Variants in KSR2 observed in about 807,000 individuals in gnomAD.
KSR2 encodes kinase suppressor of ras 2.
A neutral mutation model predicts 107.8 loss-of-function variants in KSR2; 25 were observed. That is an observed-to-expected ratio of 0.23 (90% confidence interval 0.17 to 0.32). KSR2 has a LOEUF of 0.32. Ranked by LOEUF, KSR2 falls within the 10% of genes least tolerant of loss-of-function variation. The probability of loss-of-function intolerance (pLI) is 1.00; values close to 1 mark genes in which losing one functional copy is unlikely to be tolerated. For synonymous variants in KSR2, 480 were observed against 507.0 expected, an observed-to-expected ratio of 0.95 and a Z score of 0.71; for missense variants, 887 against 1,268.9, an observed-to-expected ratio of 0.70 and a Z score of 4.57.
chr12:117,854,726 G>T (rs1325658598), intron 3 of KSR2, among the ~76,000 whole-genome samples: 1 of 152,130 alleles, frequency 6.6e-6, no homozygotes, highest in Admixed American at 6.5e-5. Flanking sequence ...CTAAAGAGAA[G>T]CAGGAAGCCT....
chr12:117,876,486 A>G (rs1893856931), intron 1 of KSR2, among the ~76,000 whole-genome samples: 1 of 152,124 alleles, frequency 6.6e-6, no homozygotes, highest in African/African-American at 2.4e-5. Flanking sequence ...CTGTCTCACT[A>G]TTGCTGATGG....
chr12:117,874,051 G>A (rs1010576470), intron 1 of KSR2, among the ~76,000 whole-genome samples: 1 of 152,130 alleles, frequency 6.6e-6, no homozygotes, highest in African/African-American at 2.4e-5. Flanking sequence ...AAAAGTATTG[G>A]CTGCAAAATG....
Position 117,901,974 on chromosome 12 carries a change from A to G in KSR2, c.181-41543T>C, listed in dbSNP as rs73406642. ...TTTTTCTTTGGCCTCGTGATCCAATATGACTTCTTGGCTCTAGGAGAAACT... is the reference window on the plus strand; with the variant it reads ...TTTTTCTTTGGCCTCGTGATCCAATGTGACTTCTTGGCTCTAGGAGAAACT... On this transcript the variant is annotated intron_variant, in intron 1 of 19. Transcript: ENST00000339824. 6.0e-3 allele frequency among the ~76,000 whole-genome samples: 911 copies of G among 152,302 alleles called. 12 individuals carry two copies. The highest frequency in any genetic ancestry group is 0.021 in the African/African-American group (872 of 41,562).
rs1870693231 is a variant in KSR2, at chr12:117,457,752, A to G, written c.*9447T>C. The G allele has an allele frequency of 6.6e-6, 1 of 152,402 alleles. No homozygotes were observed. Among genetic ancestry groups the G allele is most frequent in the East Asian group, 1.9e-4 (1 of 5,182 alleles). 9.4% of individuals were successfully genotyped at this position (152,402 alleles called of 1,614,324 possible). A position where few individuals can be genotyped will look rare whatever the true frequency, so the allele number is the denominator to read the frequency against. ...TGGGGAGAGTTGAGGAAGCTGCTTA[A>G]CATCCTCCAATGCCCAGGACAGTCG... is the stretch of plus-strand genomic sequence containing the variant. On this transcript the variant is annotated 3_prime_UTR_variant, in exon 20 of 20. Transcript: ENST00000339824.
At chr12:117,792,790 G>A (rs144325949) in intron 3 of KSR2, among the ~76,000 whole-genome samples, 36 of 152,270 alleles carry the variant, frequency 2.4e-4, no homozygotes, top group African/African-American at 6.7e-4. Context: ...GATGTGGGGT[G>A]CGTCATCCCT....
intron 3 of KSR2, among the ~76,000 whole-genome samples, chr12:117,791,788 T>C (rs914822885): frequency 2.6e-5 from 4 of 152,174 alleles, no homozygotes; most frequent in Admixed American, 6.5e-5. Context: ...CTGCAGTTCA[T>C]CCTACACTGC....
intron 4 of KSR2, among the ~76,000 whole-genome samples, chr12:117,751,729 T>C (rs187156781): frequency 2.0e-5 from 3 of 152,298 alleles, no homozygotes; most frequent in African/African-American, 7.2e-5. Context: ...CATCACTTTG[T>C]ACCAAACTGC....
chr12:117,824,343 C>A (rs1451847041), intron 3 of KSR2, among the ~76,000 whole-genome samples: 1 of 152,050 alleles, frequency 6.6e-6, no homozygotes, highest in African/African-American at 2.4e-5. Flanking sequence ...TAGTATTCAA[C>A]AGATCAGTAG....
intron 19 of KSR2, chr12:117,467,831 T>TAAA (rs36058871): frequency 3.3e-4 from 127 of 384,114 alleles, no homozygotes; most frequent in Admixed American, 9.4e-4. Context: ...ATAGGCTGAA[T>TAAA]AAAAAAAAAA....
At chr12:117,837,347 T>C (rs1200868144) in intron 3 of KSR2, among the ~76,000 whole-genome samples, 2 of 152,210 alleles carry the variant, frequency 1.3e-5, no homozygotes, top group Non-Finnish European at 2.9e-5. Flanking sequence ...TCTACATTAC[T>C]ATGCATCTTG....
intron 1 of KSR2, among the ~76,000 whole-genome samples, chr12:117,863,851 C>G (rs1381771213): frequency 2.0e-5 from 3 of 152,086 alleles, no homozygotes; most frequent in Non-Finnish European, 2.9e-5. Context: ...TTCCCCACAT[C>G]ACTCCACTTC....
At chr12:117,559,679 A>G (rs894089958) in intron 7 of KSR2, among the ~76,000 whole-genome samples, 1 of 152,192 alleles carries the variant, frequency 6.6e-6, no homozygotes, top group African/African-American at 2.4e-5. Flanking sequence ...GTTTAGAATG[A>G]TAATGTCTTC....
intron 5 of KSR2, among the ~76,000 whole-genome samples, chr12:117,596,362 T>C (rs1880646630): frequency 6.6e-6 from 1 of 152,124 alleles, no homozygotes; most frequent in African/African-American, 2.4e-5. Context: ...CCATGACACA[T>C]GGGAATTATG....
In KSR2 at chr12:117,583,274, T is replaced by A. The variant is rs187391627; in HGVS notation, c.1172-915A>T. Among the ~76,000 whole-genome samples the A allele has an allele frequency of 3.3e-4, 49 of 148,414 alleles. No homozygotes were observed. The East Asian group carries it at 9.4e-3, about 29-fold the overall frequency. On this transcript the variant is annotated intron_variant, in intron 5 of 19. Transcript: ENST00000339824. ...GTGGGTGAGTGGATGAATGGATGGATAGGTGGGTGGGTAAGTGGGTGGATG... is the reference window on the plus strand; with the variant it reads ...GTGGGTGAGTGGATGAATGGATGGAAAGGTGGGTGGGTAAGTGGGTGGATG...
intron 1 of KSR2, among the ~76,000 whole-genome samples, chr12:117,870,343 T>C (rs1465026291): frequency 6.6e-6 from 1 of 152,116 alleles, no homozygotes; most frequent in African/African-American, 2.4e-5. Context: ...GCTCACACCT[T>C]TAATCTCAAC....
At position 117,550,314 on chromosome 12, in the gene KSR2, G is replaced by A. The variant is rs141191602; in HGVS notation, c.1518+4855C>T. ...GACTCTGAAACTCAAATAGAAGCAC[G>A]TTCATCACCCAGGTTTCCACTTCAG... On this transcript the variant is annotated intron_variant, in intron 9 of 19. Transcript: ENST00000339824. Among the ~76,000 whole-genome samples, 19 of 152,322 alleles carry A rather than the reference G, an allele frequency of 1.2e-4. No individual in the cohort carries two copies. In the East Asian group the frequency reaches 2.9e-3, roughly 23 times the overall value.
chr12:117,503,339 C>T (rs893283586), intron 14 of KSR2, among the ~76,000 whole-genome samples: 16 of 152,272 alleles, frequency 1.1e-4, no homozygotes, highest in African/African-American at 3.9e-4. Flanking sequence ...CCCTGTTGCT[C>T]CTAGGCACTC....
chr12:117,927,240 G>A (rs1341597207), intron 1 of KSR2, among the ~76,000 whole-genome samples: 1 of 151,832 alleles, frequency 6.6e-6, no homozygotes, highest in African/African-American at 2.4e-5. Flanking sequence ...GCTGGGTGTG[G>A]CGGTGCATGC....
At chr12:117,784,743 G>A (rs1890004922) in intron 3 of KSR2, among the ~76,000 whole-genome samples, 1 of 152,026 alleles carries the variant, frequency 6.6e-6, no homozygotes, top group Non-Finnish European at 1.5e-5. Flanking sequence ...TATCTTTTTG[G>A]CCAAAAGAAC....
Sources: gnomAD v4.1 joint callset for allele counts (sites outside exome capture counted in the v4.1 genomes callset) on GRCh38, gnomAD v4.1.1 for gene constraint, MANE v1.5 for transcripts, NCBI Gene and HGNC (gene_info 2026-07-23, HGNC 2026-07-21) for gene names.